PRRG1: variants seen among roughly 807,000 people sequenced by gnomAD.
The protein encoded by PRRG1 is transmembrane gamma-carboxyglutamic acid protein 1.
PRRG1 carries 5 observed loss-of-function variants against 11.8 expected under a neutral mutation model. That is an observed-to-expected ratio of 0.42 (90% CI 0.22 to 0.89). The LOEUF is 0.89. PRRG1 is among the 40% of genes least tolerant of loss of function. The pLI is 0.28. For synonymous variants in PRRG1, 66 were observed against 60.4 expected (o/e 1.09, Z -0.43); for missense variants, 155 against 166.1 (o/e 0.93, Z 0.37).
chrX:37,375,886 T>C (rs1294825808), intron 1 of PRRG1, among the ~76,000 whole-genome samples: 1 of 111,643 alleles, frequency 9.0e-6, no homozygotes, highest in Non-Finnish European at 1.9e-5. Flanking sequence ...AGTTTCTAAC[T>C]CTCAAACTAC....
chrX:37,442,059 C>T (rs1387004199), intron 3 of PRRG1: 49 of 768,923 alleles, frequency 6.4e-5, no homozygotes, highest in Non-Finnish European at 7.0e-5. Flanking sequence ...TGGGCGGCAG[C>T]GAGGAAGACA....
chrX:37,425,928 T>C lies in PRRG1; in HGVS notation c.99T>C (p.Ile33=). ...TTGAAGAAATAAGACAGGGCAACAT[T>C]GAGCGTGAGTGCAAAGAAGAATTCT... ...GFFEEIRQGN[I]ERECKEEFCT... is the part of the protein sequence containing the mutation. The change falls in exon 3 of 4, where the codon ATT becomes ATC. Residue 33 remains isoleucine, a synonymous_variant. Coordinates refer to ENST00000378628, the MANE Select transcript of PRRG1 (RefSeq NM_001142395.2). The C allele has an allele frequency of 8.3e-7, 1 of 1,206,810 alleles. No individual in the cohort carries two copies. The highest frequency in any genetic ancestry group is 1.1e-6 in the Non-Finnish European group (1 of 893,045).
chrX:37,406,721 C>T (rs901310327), intron 2 of PRRG1, among the ~76,000 whole-genome samples: 6 of 110,601 alleles, frequency 5.4e-5, no homozygotes, highest in Middle Eastern at 4.7e-3. Context: ...TTTTAAAGCC[C>T]GGCATTAAGA....
rs1407567460 is a variant in PRRG1, at chrX:37,455,360, A to G, written c.*1739A>G. 1 of 112,518 alleles carries G rather than the reference A, an allele frequency of 8.9e-6. No homozygotes were observed. Among genetic ancestry groups the G allele is most frequent in the Non-Finnish European group, 1.9e-5 (1 of 53,326 alleles). 9.3% of individuals were successfully genotyped at this position (112,518 alleles called of 1,213,427 possible). On this transcript the variant is annotated 3_prime_UTR_variant, in exon 4 of 4. Transcript: ENST00000378628. ...TAAAATGTGAAGAGCTATCTACACT[A>G]AGTTCGTAATGTTATTATTATTGTG...
intron 3 of PRRG1, among the ~76,000 whole-genome samples, chrX:37,439,823 TCTCA>T (rs1196181163): frequency 3.5e-5 from 3 of 86,569 alleles, no homozygotes; most frequent in Non-Finnish European, 6.4e-5. Flanking sequence ...TGAGAGGGAG[TCTCA>T]CTCACTCTGT....
At chrX:37,389,608 A>G (rs1449004982) in intron 1 of PRRG1, among the ~76,000 whole-genome samples, 1 of 111,194 alleles carries the variant, frequency 9.0e-6, no homozygotes, top group Non-Finnish European at 1.9e-5. Context: ...AGATCTTGCA[A>G]TAACTCACTC....
At chrX:37,373,604 A>C (rs1339032281) in intron 1 of PRRG1, among the ~76,000 whole-genome samples, 1 of 111,891 alleles carries the variant, frequency 8.9e-6, no homozygotes, top group African/African-American at 3.2e-5. Flanking sequence ...GTTCATTATT[A>C]GTGTATAGCA....
chrX:37,369,927 T>C (rs1302957200), intron 1 of PRRG1, among the ~76,000 whole-genome samples: 1 of 110,905 alleles, frequency 9.0e-6, no homozygotes, highest in Non-Finnish European at 1.9e-5. Flanking sequence ...CTCCCAACCA[T>C]GTGGAACTGT....
intron 3 of PRRG1, among the ~76,000 whole-genome samples, chrX:37,431,610 A>G (rs781956316): frequency 7.4e-4 from 82 of 111,538 alleles, no homozygotes; most frequent in African/African-American, 2.5e-3. Flanking sequence ...TTATTTTACT[A>G]TTGAGCTTTG....
intron 3 of PRRG1, among the ~76,000 whole-genome samples, chrX:37,443,732 G>A (rs1177085572): frequency 5.4e-5 from 6 of 111,961 alleles, no homozygotes; most frequent in Admixed American, 2.8e-4. Context: ...TTATGGCTAT[G>A]GATAGAATGA....
chrX:37,451,827 G>T (rs1921151181), intron 3 of PRRG1, among the ~76,000 whole-genome samples: 1 of 112,111 alleles, frequency 8.9e-6, no homozygotes, highest in South Asian at 3.7e-4. Flanking sequence ...TATAAAACAA[G>T]CAGCTTTAGT....
chrX:37,354,644 C>T (rs1423745996), intron 1 of PRRG1, among the ~76,000 whole-genome samples: 6 of 110,335 alleles, frequency 5.4e-5, no homozygotes, highest in Non-Finnish European at 3.8e-5. Flanking sequence ...CCGCCTGCCT[C>T]GGCCTCCCAA....
At chrX:37,426,206 C>T (rs1465944648) in intron 3 of PRRG1, among the ~76,000 whole-genome samples, 2 of 111,387 alleles carry the variant, frequency 1.8e-5, no homozygotes, top group South Asian at 3.8e-4. Flanking sequence ...TTGAGAGCCC[C>T]GTTCCTATAG....
At chrX:37,380,269 A>AT (rs1230583302) in intron 1 of PRRG1, among the ~76,000 whole-genome samples, 4 of 111,723 alleles carry the variant, frequency 3.6e-5, no homozygotes, top group African/African-American at 1.3e-4. Context: ...TCTGATTCAT[A>AT]TTTGCATGCC....
chrX:37,385,491 A>G (rs993714872), intron 1 of PRRG1, among the ~76,000 whole-genome samples: 1 of 109,158 alleles, frequency 9.2e-6, no homozygotes, highest in South Asian at 3.8e-4. Context: ...ATATATGTGT[A>G]TATATATATA....
At chrX:37,383,664 C>G (rs1556374316) in intron 1 of PRRG1, among the ~76,000 whole-genome samples, 1 of 111,171 alleles carries the variant, frequency 9.0e-6, no homozygotes, top group Non-Finnish European at 1.9e-5. Flanking sequence ...ATGTGAGAAC[C>G]TATTTCTCTC....
intron 1 of PRRG1, among the ~76,000 whole-genome samples, chrX:37,405,858 T>G (rs1335314567): frequency 8.9e-6 from 1 of 111,771 alleles, no homozygotes; most frequent in Admixed American, 9.5e-5. Context: ...GTTATTAGCA[T>G]TGGACCTTTT....
intron 3 of PRRG1, among the ~76,000 whole-genome samples, chrX:37,452,548 AG>A (rs1556396832): frequency 2.7e-5 from 3 of 112,260 alleles, no homozygotes; most frequent in African/African-American, 9.7e-5. Flanking sequence ...GGTCTCTCCT[AG>A]GAACAATATA....
chrX:37,368,148 A>G (rs1556369953), intron 1 of PRRG1, among the ~76,000 whole-genome samples: 2 of 112,150 alleles, frequency 1.8e-5, no homozygotes, highest in African/African-American at 6.5e-5. Context: ...AAGAATGTGT[A>G]TTTTGGCATT....
Sources: gnomAD v4.1 joint callset for allele counts (sites outside exome capture counted in the v4.1 genomes callset) on GRCh38, gnomAD v4.1.1 for gene constraint, MANE v1.5 for transcripts, NCBI Gene and HGNC (gene_info 2026-07-23, HGNC 2026-07-21) for gene names.